The following AGBL1 variants were observed in gnomAD, a reference collection of about 807,000 sequenced individuals.
The protein encoded by AGBL1 is AGBL carboxypeptidase 1, also known as cytosolic carboxypeptidase 4.
In AGBL1, 130 loss-of-function variants were observed where a neutral mutation model predicts 118.9. The ratio of observed to expected loss-of-function variants is 1.09; its 90% CI spans 0.95 to 1.26. The LOEUF is 1.26. AGBL1 is among the 50% of genes most tolerant of loss of function. The pLI is 0.00. For synonymous variants in AGBL1, 555 were observed against 478.9 expected (o/e 1.16, Z -2.08); for missense variants, 1,584 against 1,298.1 (o/e 1.22, Z -3.38).
At chr15:86,607,031 A>G (rs975348308) in intron 21 of AGBL1, among the ~76,000 whole-genome samples, 3 of 151,360 alleles carry the variant, frequency 2.0e-5, no homozygotes, top group Non-Finnish European at 4.4e-5. Context: ...TAGTTTTGCC[A>G]TTTCCAGAAT....
intron 5 of AGBL1, among the ~76,000 whole-genome samples, chr15:86,211,648 G>T (rs897869302): frequency 6.6e-5 from 10 of 152,230 alleles, no homozygotes; most frequent in African/African-American, 1.7e-4. Context: ...TGCCGAGCCA[G>T]GCATGGGATA....
intron 21 of AGBL1, among the ~76,000 whole-genome samples, chr15:86,652,140 C>G (rs1185510480): frequency 6.6e-6 from 1 of 152,142 alleles, no homozygotes; most frequent in Admixed American, 6.6e-5. Context: ...ACCTGTGCTT[C>G]TACTCCCAGT....
At chr15:86,144,290 C>A (rs751205158) in intron 3 of AGBL1, among the ~76,000 whole-genome samples, 1 of 152,060 alleles carries the variant, frequency 6.6e-6, no homozygotes, top group East Asian at 1.9e-4. Flanking sequence ...ACAGAAATAC[C>A]ATTCGATCCA....
chr15:86,933,486 A>G (rs978320615), intron 23 of AGBL1, among the ~76,000 whole-genome samples: 3 of 152,190 alleles, frequency 2.0e-5, no homozygotes, highest in African/African-American at 7.2e-5. Context: ...TTGCTCTCAT[A>G]GATCTCATCT....
At chr15:86,322,914 GT>G (rs2080125854) in intron 17 of AGBL1, among the ~76,000 whole-genome samples, 2 of 152,184 alleles carry the variant, frequency 1.3e-5, no homozygotes, top group South Asian at 4.1e-4. Flanking sequence ...TTTGTATTAC[GT>G]TTGTGGCTTT....
intron 22 of AGBL1, among the ~76,000 whole-genome samples, chr15:86,895,701 A>G (rs1448450600): frequency 6.6e-6 from 1 of 152,000 alleles, no homozygotes; most frequent in Non-Finnish European, 1.5e-5. Context: ...TTATATTTAT[A>G]GAAACACTGC....
At chr15:86,373,432 G>C (rs951075218) in intron 17 of AGBL1, among the ~76,000 whole-genome samples, 6 of 152,166 alleles carry the variant, frequency 3.9e-5, no homozygotes, top group Non-Finnish European at 1.5e-5. Context: ...ATCATAGAAG[G>C]CTTGCTCTAA....
At chr15:86,514,309 T>C (rs949701206) in intron 18 of AGBL1, among the ~76,000 whole-genome samples, 17 of 152,184 alleles carry the variant, frequency 1.1e-4, no homozygotes, top group African/African-American at 4.1e-4. Context: ...TTATTCATAA[T>C]TGATTTACTT....
intron 2 of AGBL1, among the ~76,000 whole-genome samples, chr15:86,143,448 G>A (rs991830076): frequency 6.6e-6 from 1 of 152,190 alleles, no homozygotes; most frequent in African/African-American, 2.4e-5. Context: ...TCTCAGATAA[G>A]CTCTATTTAT....
intron 17 of AGBL1, among the ~76,000 whole-genome samples, chr15:86,300,092 T>C (rs999885854): frequency 3.9e-5 from 6 of 152,082 alleles, no homozygotes; most frequent in Non-Finnish European, 8.8e-5. Context: ...TTACCTCCAT[T>C]TTGCAGATGG....
intron 18 of AGBL1, among the ~76,000 whole-genome samples, chr15:86,401,025 A>G (rs1269190289): frequency 6.6e-6 from 1 of 152,136 alleles, no homozygotes; most frequent in Non-Finnish European, 1.5e-5. Flanking sequence ...TAGTTCTTTA[A>G]GGAATCTCCA....
At chr15:86,087,610 G>A (rs141094056) in intron 1 of AGBL1, among the ~76,000 whole-genome samples, 7 of 152,276 alleles carry the variant, frequency 4.6e-5, no homozygotes, top group Non-Finnish European at 7.4e-5. Context: ...GATTACAGGC[G>A]TGAGCCACTG....
chr15:86,230,079 A>G (rs1567141715), intron 6 of AGBL1, among the ~76,000 whole-genome samples: 1 of 152,190 alleles, frequency 6.6e-6, no homozygotes, highest in Non-Finnish European at 1.5e-5. Context: ...GAAGTTTGGC[A>G]GGAAGTTGAG....
chr15:86,339,408 C>A (rs2080424927), intron 17 of AGBL1, among the ~76,000 whole-genome samples: 1 of 152,080 alleles, frequency 6.6e-6, no homozygotes. Flanking sequence ...AGTTTTAAAC[C>A]ATTATTTCTT....
chr15:86,114,115 T>C (rs1897607967), intron 1 of AGBL1, among the ~76,000 whole-genome samples: 1 of 152,256 alleles, frequency 6.6e-6, no homozygotes, highest in South Asian at 2.1e-4. Flanking sequence ...TATAAACTTG[T>C]CTGAAATGGA....
intron 17 of AGBL1, among the ~76,000 whole-genome samples, chr15:86,365,155 C>T (rs1261068284): frequency 6.6e-6 from 1 of 151,598 alleles, no homozygotes; most frequent in East Asian, 1.9e-4. Flanking sequence ...CCACAAAAGA[C>T]AAGCAGTAGT....
intron 17 of AGBL1, among the ~76,000 whole-genome samples, chr15:86,327,617 T>C (rs932009846): frequency 2.6e-5 from 4 of 152,242 alleles, no homozygotes; most frequent in East Asian, 1.9e-4. Context: ...TATGTTTTCA[T>C]TGAGGTGTCA....
chr15:86,452,407 T>C (rs980294312), intron 18 of AGBL1, among the ~76,000 whole-genome samples: 1 of 152,210 alleles, frequency 6.6e-6, no homozygotes, highest in Non-Finnish European at 1.5e-5. Flanking sequence ...AGCCTCATGA[T>C]GCACTGAATA....
Position 86,853,104 on chromosome 15 carries a change from G to T in AGBL1, c.3159-53983G>T, listed in dbSNP as rs554475669. On this transcript the variant is annotated intron_variant, in intron 22 of 22. Coordinates refer to ENST00000614907, the MANE Select transcript of AGBL1 (RefSeq NM_001386094.1). ...ATGCCAATTAAATCACAATATCTGG[G>T]GTGGGGCCAAGGCATCAGAATTCTG... is the stretch of plus-strand genomic sequence containing the variant. Among the ~76,000 whole-genome samples the T allele has an allele frequency of 3.4e-4, 52 of 152,192 alleles. No individual in the cohort carries two copies. In the South Asian group the frequency reaches 4.6e-3, roughly 13 times the overall value.
Sources: allele counts gnomAD v4.1 joint callset (sites outside exome capture counted in the v4.1 genomes callset), GRCh38; gene constraint gnomAD v4.1.1; transcripts MANE v1.5; gene names NCBI Gene and HGNC (gene_info 2026-07-23, HGNC 2026-07-21).